SLC17A5: variants seen among roughly 807,000 people sequenced by gnomAD.
The protein encoded by SLC17A5 is solute carrier family 17 member 5.
In SLC17A5, 47 loss-of-function variants were observed where a neutral mutation model predicts 59.4. The observed-to-expected ratio is 0.79, with a 90% confidence interval of 0.63 to 1.01. The LOEUF is 1.01. Among genes scored for constraint, SLC17A5 ranks in the 50% least tolerant of loss-of-function variants. The pLI, the probability that SLC17A5 is intolerant of heterozygous loss-of-function variation, is 0.00. For synonymous variants in SLC17A5, 202 were observed against 210.7 expected (o/e 0.96, Z 0.36); for missense variants, 522 against 595.5 (o/e 0.88, Z 1.28).
chr6:73,617,457 A>T (rs1263837311), intron 7 of SLC17A5, among the ~76,000 whole-genome samples: 1 of 152,266 alleles, frequency 6.6e-6, no homozygotes, highest in Non-Finnish European at 1.5e-5. Context: ...AGTAAATCAG[A>T]TAAGTGAATT....
In SLC17A5 at chr6:73,596,728, T is replaced by C. The variant is rs189206857; in HGVS notation, c.1351-1514A>G. 1.8e-3 allele frequency among the ~76,000 whole-genome samples: 265 copies of C among 151,320 alleles called. 1 individual carries two copies. Among genetic ancestry groups the C allele is most frequent in the African/African-American group, 6.0e-3 (249 of 41,176 alleles). ...AAAATTAGCCGGGCGTGGTGGCTGG[T>C]GCCTGTAGTCCCAGCTACTCGGGAG... On this transcript the variant is annotated intron_variant, in intron 10 of 10. Coordinates refer to ENST00000355773, the MANE Select transcript of SLC17A5 (RefSeq NM_012434.5).
At chr6:73,652,928 G>C (rs1432248706) in intron 1 of SLC17A5, 1 of 508,452 alleles carries the variant, frequency 2.0e-6, no homozygotes. Flanking sequence ...TTTAGTTTTC[G>C]TTACTTTTAA....
intron 2 of SLC17A5, among the ~76,000 whole-genome samples, chr6:73,642,657 G>C (rs914026961): frequency 6.6e-6 from 1 of 152,114 alleles, no homozygotes; most frequent in African/African-American, 2.4e-5. Context: ...ACACAGCAAG[G>C]TACTAATGAA....
intron 7 of SLC17A5, chr6:73,618,600 GCACT>G: frequency 2.1e-6 from 1 of 486,724 alleles, no homozygotes; most frequent in South Asian, 1.8e-5. Flanking sequence ...AGCACTAAGA[GCACT>G]CTGAATCAAG....
Position 73,653,900 on chromosome 6 carries a change from GC to G in SLC17A5, c.-15del, listed in dbSNP as rs949810120. On this transcript the variant is annotated 5_prime_UTR_variant, in exon 1 of 11. Coordinates refer to ENST00000355773, the MANE Select transcript of SLC17A5 (RefSeq NM_012434.5). The stretch of plus-strand genomic sequence containing the variant: ...CGGAGACCTCATGACGCCTACGTGA[GC>G]AGGTGTACTCGCCACCTGGCAGAGA... 1 of 1,597,378 alleles carries G rather than the reference GC, an allele frequency of 6.3e-7. No homozygotes were observed. Among genetic ancestry groups the G allele is most frequent in the African/African-American group, 1.3e-5 (1 of 74,534 alleles).
Position 73,622,750 on chromosome 6 carries a change from T to C in SLC17A5, c.820-788A>G, listed in dbSNP as rs1768208931. 1.3e-5 allele frequency among the ~76,000 whole-genome samples: 2 copies of C among 152,202 alleles called. 1 individual carries two copies. The highest frequency in any genetic ancestry group is 4.1e-4 in the South Asian group (2 of 4,832). ...AAAATTAGGCAATACAAGGTTTCTG[T>C]ATGCAGCCATATGCAGTAGTGGTCT... On this transcript the variant is annotated intron_variant, in intron 6 of 10. Transcript: ENST00000355773.
intron 10 of SLC17A5, 39 bp from the exon 11 acceptor site, chr6:73,595,253 T>C (rs1225247076): frequency 6.2e-7 from 1 of 1,609,732 alleles, no homozygotes. Flanking sequence ...AAATAAAATT[T>C]TGTGTGTAGT....
chr6:73,606,395 T>C (rs1767392798), intron 9 of SLC17A5, among the ~76,000 whole-genome samples: 1 of 152,184 alleles, frequency 6.6e-6, no homozygotes, highest in African/African-American at 2.4e-5. Flanking sequence ...AGTACAGCAG[T>C]CCTCATTATC....
At chr6:73,649,452 A>C (rs1183638851) in intron 1 of SLC17A5, among the ~76,000 whole-genome samples, 2 of 152,134 alleles carry the variant, frequency 1.3e-5, no homozygotes, top group Admixed American at 1.3e-4. Flanking sequence ...AAAAAATTTC[A>C]AAATTAGCTG....
intron 9 of SLC17A5, among the ~76,000 whole-genome samples, chr6:73,602,738 G>A (rs1767205791): frequency 6.8e-6 from 1 of 147,108 alleles, no homozygotes; most frequent in Admixed American, 6.9e-5. Flanking sequence ...TCGCGCCACT[G>A]CACTCCAGCC....
rs117763576 is a variant in SLC17A5, at chr6:73,611,873, G to C, written c.1112-1326C>G. Among the ~76,000 whole-genome samples the C allele has an allele frequency of 4.5e-3, 688 of 151,752 alleles. 3 individuals carry two copies. The highest frequency in any genetic ancestry group is 0.014 in the Middle Eastern group (4 of 292). On this transcript the variant is annotated intron_variant, in intron 8 of 10. Coordinates refer to ENST00000355773, the MANE Select transcript of SLC17A5 (RefSeq NM_012434.5). ...TTTTTTGAGACAGGGTCTCACTGTC[G>C]TCAGGCTGGAGTGCAGTGGTGCGAT...
intron 7 of SLC17A5, 103 bp downstream of exon 7, chr6:73,621,700 TA>T: frequency 1.1e-6 from 1 of 946,950 alleles, no homozygotes; most frequent in Non-Finnish European, 1.6e-6. Context: ...GACAGCAGAG[TA>T]AAATGGAAGA....
chr6:73,616,195 T>C (rs1767854809), intron 7 of SLC17A5, among the ~76,000 whole-genome samples: 1 of 152,132 alleles, frequency 6.6e-6, no homozygotes. Flanking sequence ...CATGAGTCTT[T>C]CTAATGACCA....
chr6:73,616,836 A>G (rs1283283449), intron 7 of SLC17A5, among the ~76,000 whole-genome samples: 1 of 151,976 alleles, frequency 6.6e-6, no homozygotes, highest in African/African-American at 2.4e-5. Context: ...CGAACTCCTG[A>G]CTTCAAGTGA....
At chr6:73,645,804 A>G (rs968795078) in intron 1 of SLC17A5, among the ~76,000 whole-genome samples, 3 of 151,672 alleles carry the variant, frequency 2.0e-5, no homozygotes, top group South Asian at 2.1e-4. Context: ...AAAAAAAAAA[A>G]AAAAAAAAGA....
At chr6:73,638,614 C>T in intron 3 of SLC17A5, 115 bp from the exon 4 acceptor site, 1 of 815,558 alleles carries the variant, frequency 1.2e-6, no homozygotes, top group Non-Finnish European at 2.1e-6. Context: ...TCAAACGAAT[C>T]AGGTTCCATG....
At chr6:73,605,624 G>A (rs2351120) in intron 9 of SLC17A5, among the ~76,000 whole-genome samples, 43,003 of 143,416 alleles carry the variant, frequency 0.3, 6,518 homozygotes, top group African/African-American at 0.35. Flanking sequence ...AGAACTGCAA[G>A]GTTTAAACAC....
intron 6 of SLC17A5, among the ~76,000 whole-genome samples, chr6:73,628,040 C>T (rs1483806209): frequency 6.6e-6 from 1 of 152,060 alleles, no homozygotes; most frequent in Non-Finnish European, 1.5e-5. Flanking sequence ...TCACCTCAGC[C>T]TCCTGAGTAG....
At chr6:73,603,418 C>T (rs1344835048) in intron 9 of SLC17A5, among the ~76,000 whole-genome samples, 1 of 126,036 alleles carries the variant, frequency 7.9e-6, no homozygotes, top group African/African-American at 3.6e-5. Flanking sequence ...AAATTGCTGC[C>T]TCTTTTTTTT....
Sources: gnomAD v4.1 joint callset for allele counts (sites outside exome capture counted in the v4.1 genomes callset) on GRCh38, gnomAD v4.1.1 for gene constraint, MANE v1.5 for transcripts, NCBI Gene and HGNC (gene_info 2026-07-23, HGNC 2026-07-21) for gene names.